Variants in FREM1 observed in about 807,000 individuals in gnomAD.
The protein encoded by FREM1 is FRAS1-related extracellular matrix protein 1.
FREM1 carries 220 observed loss-of-function variants against 210.1 expected under a neutral mutation model. That is an observed-to-expected ratio of 1.05 (90% confidence interval 0.94 to 1.17). FREM1 has a LOEUF of 1.17. FREM1 is among the 50% of genes most tolerant of loss of function. The probability of loss-of-function intolerance (pLI) is 0.00; values close to 1 mark genes in which losing one functional copy is unlikely to be tolerated. For missense variants in FREM1, 3,454 were observed against 2,675.5 expected, an observed-to-expected ratio of 1.29 and a Z score of -6.42; for synonymous variants, 1,189 against 980.2, an observed-to-expected ratio of 1.21 and a Z score of -3.98.
intron 1 of FREM1, among the ~76,000 whole-genome samples, chr9:14,902,622 A>G (rs1394866769): frequency 1.3e-5 from 2 of 152,144 alleles, no homozygotes; most frequent in South Asian, 2.1e-4. Context: ...GTGCACTGCC[A>G]CCTCCTAGCT....
chr9:14,876,166 A>T (rs887511083), intron 1 of FREM1, among the ~76,000 whole-genome samples: 1 of 152,072 alleles, frequency 6.6e-6, no homozygotes, highest in Non-Finnish European at 1.5e-5. Context: ...CCATTCTCAG[A>T]TCTCCAGCTG....
chr9:14,898,443 C>T (rs1386734215), intron 1 of FREM1, among the ~76,000 whole-genome samples: 1 of 152,176 alleles, frequency 6.6e-6, no homozygotes, highest in Non-Finnish European at 1.5e-5. Flanking sequence ...AAACATTTGT[C>T]AGAACCCATA....
At chr9:14,742,015 T>C (rs1040978290) in intron 35 of FREM1, among the ~76,000 whole-genome samples, 7 of 152,172 alleles carry the variant, frequency 4.6e-5, no homozygotes, top group Admixed American at 1.3e-4. Flanking sequence ...GGTAAAATGT[T>C]AAGAGCATAG....
At chr9:14,893,762 T>C (rs1041601280) in intron 1 of FREM1, among the ~76,000 whole-genome samples, 9 of 152,210 alleles carry the variant, frequency 5.9e-5, no homozygotes, top group African/African-American at 2.2e-4. Context: ...ATGTGGATTT[T>C]TTTGCCTAGA....
At chr9:14,786,481 T>C (rs964343864) in intron 23 of FREM1, among the ~76,000 whole-genome samples, 2 of 152,146 alleles carry the variant, frequency 1.3e-5, no homozygotes, top group African/African-American at 4.8e-5. Context: ...ATCAAAGTGG[T>C]ACAATTTTAA....
At chr9:14,767,451 C>T (rs954581056) in intron 27 of FREM1, among the ~76,000 whole-genome samples, 3 of 152,196 alleles carry the variant, frequency 2.0e-5, no homozygotes, top group Non-Finnish European at 2.9e-5. Flanking sequence ...TGCATTTCCA[C>T]TTAGAAAAGT....
At chr9:14,797,977 C>A (rs1295901803) in intron 20 of FREM1, among the ~76,000 whole-genome samples, 1 of 151,980 alleles carries the variant, frequency 6.6e-6, no homozygotes, top group Admixed American at 6.6e-5. Flanking sequence ...AGAGTTATAT[C>A]CCTACCTCGA....
rs543083749 is a variant in FREM1 at position 14,764,751 on chromosome 9, C to T, written c.5205-4850G>A. Among the ~76,000 whole-genome samples, 18 of 152,200 alleles carry T rather than the reference C, an allele frequency of 1.2e-4. No homozygotes were observed. In the South Asian group the frequency reaches 3.5e-3, roughly 30 times the overall value. On this transcript the variant is annotated intron_variant, in intron 27 of 36. Coordinates refer to ENST00000380880, the MANE Select transcript of FREM1 (RefSeq NM_001379081.2). Reference sequence around the variant, plus strand: ...GCCTATAGTGCCAATGTTGAGACACCCGGTCCTGGAGTAATAAATATGTTC... The same window carrying T: ...GCCTATAGTGCCAATGTTGAGACACTCGGTCCTGGAGTAATAAATATGTTC...
In FREM1 at chr9:14,747,354, G is replaced by A. The variant is rs776873418; in HGVS notation, c.5919C>T (p.Ile1973=). The change falls in exon 33 of 37, where the codon ATC becomes ATT. Residue 1973 remains isoleucine (I), a synonymous_variant. Coordinates refer to ENST00000380880, the MANE Select transcript of FREM1 (RefSeq NM_001379081.2). ...PTHKRKAKVS[I]ISQPQKTIKV... ...TGATTGTCTTTTGTGGCTGACTAAT[G>A]ATGGATACTTTGGCCTTCCTTTTGT... The A allele has an allele frequency of 8.7e-6, 14 of 1,613,502 alleles. No individual in the cohort carries two copies. Among genetic ancestry groups the A allele is most frequent in the South Asian group, 4.4e-5 (4 of 91,054 alleles).
intron 2 of FREM1, among the ~76,000 whole-genome samples, chr9:14,864,284 G>C (rs1202320807): frequency 6.6e-6 from 1 of 152,160 alleles, no homozygotes; most frequent in East Asian, 1.9e-4. Context: ...AGTTCTTTCT[G>C]TGTGTCTGCA....
At position 14,807,989 on chromosome 9, in the gene FREM1, G is replaced by T. The variant is rs769462578; in HGVS notation, c.3039C>A (p.Leu1013=). The change falls in exon 17 of 37, where the codon CTC becomes CTA. Residue 1013 remains leucine, a synonymous_variant. Transcript: ENST00000380880. ...TGTCTACTGGGTATACCGTGATGTT[G>T]AGATCATACACTGGAAAGGACGCAT... is the stretch of plus-strand genomic sequence containing the variant. ...PLHASFPVYD[L]NITVYPVDNQ... 2.5e-6 allele frequency: 4 copies of T among 1,613,674 alleles called. No homozygotes were observed. The highest frequency in any genetic ancestry group is 3.4e-6 in the Non-Finnish European group (4 of 1,179,760).
rs1384676115 is a variant in FREM1 at position 14,836,948 on chromosome 9, G to C, written c.1881+4499C>G. Reference sequence around the variant, plus strand: ...AGAGAGGAAAAGGGGTCCTTGGGTAGTTTTCGTCTTTTAAAGCATATCCGG... The same window carrying C: ...AGAGAGGAAAAGGGGTCCTTGGGTACTTTTCGTCTTTTAAAGCATATCCGG... On this transcript the variant is annotated intron_variant, in intron 10 of 36. Transcript: ENST00000380880. This position sits in a 1 kb window ranked among gnomAD's most constrained non-coding sequence, Gnocchi z 4.9. Among the ~76,000 whole-genome samples the C allele has an allele frequency of 6.6e-6, 1 of 152,194 alleles. No homozygotes were observed. Among genetic ancestry groups the C allele is most frequent in the Non-Finnish European group, 1.5e-5 (1 of 68,020 alleles).
chr9:14,793,349 T>TGATA (rs1180421679), intron 21 of FREM1, among the ~76,000 whole-genome samples: 4 of 152,164 alleles, frequency 2.6e-5, no homozygotes, highest in Admixed American at 2.0e-4. Context: ...CTGAGTTAGG[T>TGATA]GATAGTTAGG....
At chr9:14,853,217 T>C (rs1828089367) in intron 5 of FREM1, among the ~76,000 whole-genome samples, 2 of 152,006 alleles carry the variant, frequency 1.3e-5, no homozygotes, top group African/African-American at 2.4e-5. Flanking sequence ...GCAAAAAAAA[T>C]GATGGCTGTG....
At chr9:14,803,014 C>A (rs1404095295) in intron 19 of FREM1, among the ~76,000 whole-genome samples, 1 of 145,980 alleles carries the variant, frequency 6.9e-6, no homozygotes, top group Non-Finnish European at 1.5e-5. Flanking sequence ...TTCCTCCCTC[C>A]CTTTCTTTCT....
chr9:14,773,294 G>T (rs1847921670), intron 25 of FREM1, among the ~76,000 whole-genome samples: 1 of 152,190 alleles, frequency 6.6e-6, no homozygotes, highest in Non-Finnish European at 1.5e-5. Flanking sequence ...GTGCCTGCTG[G>T]TATCAGTCAA....
chr9:14,747,609 T>G (rs1386778974), intron 32 of FREM1, 72 bp downstream of exon 32: 1 of 1,069,638 alleles, frequency 9.3e-7, no homozygotes. Context: ...ATAAAAAATA[T>G]AAAATAATAG....
intron 22 of FREM1, among the ~76,000 whole-genome samples, chr9:14,789,442 G>A (rs192079627): frequency 2.6e-5 from 4 of 152,118 alleles, no homozygotes; most frequent in South Asian, 2.1e-4. Context: ...GTGGGTAATC[G>A]AGCTCTTGGA....
Position 14,775,774 on chromosome 9 carries a change from G to T in FREM1, c.4857+15C>A. ...TTCACATCTCTGGCAAATGAACTGT[G>T]TTTTTCATACTTGCCTGAATGGTGA... On this transcript the variant is annotated intron_variant, in intron 25 of 36. Coordinates refer to ENST00000380880, the MANE Select transcript of FREM1 (RefSeq NM_001379081.2). The T allele has an allele frequency of 4.5e-6, 6 of 1,341,148 alleles. No individual in the cohort carries two copies. Among genetic ancestry groups the T allele is most frequent in the African/African-American group, 1.5e-5 (1 of 67,102 alleles). 83.1% of individuals were successfully genotyped at this position (1,341,148 alleles called of 1,614,324 possible). A position where few individuals can be genotyped will look rare whatever the true frequency, so the allele number is the denominator to read the frequency against.
Sources: allele counts gnomAD v4.1 joint callset (sites outside exome capture counted in the v4.1 genomes callset), GRCh38; gene constraint gnomAD v4.1.1; non-coding constraint Gnocchi (gnomAD v3.1); transcripts MANE v1.5; gene names NCBI Gene and HGNC (gene_info 2026-07-23, HGNC 2026-07-21).